CDH17: variants seen among roughly 807,000 people sequenced by gnomAD.
The protein encoded by CDH17 is cadherin 17.
In CDH17, 67 loss-of-function variants were observed where a neutral mutation model predicts 86.3. The observed-to-expected ratio is 0.78, with a 90% CI of 0.64 to 0.95. The LOEUF is 0.95. Ranked by LOEUF, CDH17 falls within the 40% of genes least tolerant of loss-of-function variation. The pLI is 0.00. For synonymous variants in CDH17, 367 were observed against 366.4 expected (o/e 1.00, Z -0.02); for missense variants, 993 against 1,017.6 (o/e 0.98, Z 0.33).
chr8:94,129,254 A>G (rs1812363316), intron 17 of CDH17, among the ~76,000 whole-genome samples: 1 of 152,210 alleles, frequency 6.6e-6, no homozygotes, highest in African/African-American at 2.4e-5. Flanking sequence ...TAGAATAAGA[A>G]AAGGCACAGA....
intron 1 of CDH17, among the ~76,000 whole-genome samples, chr8:94,200,111 C>G (rs1485509279): frequency 6.6e-6 from 1 of 152,182 alleles, no homozygotes; most frequent in Non-Finnish European, 1.5e-5. Context: ...CCGAATGATT[C>G]AAGGCAAACT....
intron 3 of CDH17, among the ~76,000 whole-genome samples, chr8:94,186,627 T>C (rs1223552649): frequency 6.6e-6 from 1 of 152,208 alleles, no homozygotes; most frequent in Non-Finnish European, 1.5e-5. Flanking sequence ...CATATGAACT[T>C]TGTGGGGACA....
At chr8:94,193,243 C>T (rs1347669443) in intron 2 of CDH17, among the ~76,000 whole-genome samples, 2 of 152,154 alleles carry the variant, frequency 1.3e-5, no homozygotes, top group Non-Finnish European at 2.9e-5. Context: ...GCAAATAAGG[C>T]CTAATAATTA....
At chr8:94,142,481 C>G (rs973561873) in intron 15 of CDH17, among the ~76,000 whole-genome samples, 1 of 152,214 alleles carries the variant, frequency 6.6e-6, no homozygotes, top group Non-Finnish European at 1.5e-5. Context: ...GCTGGGATGG[C>G]TGTGGCAATT....
chr8:94,183,871 A>G (rs1813528329), intron 3 of CDH17, among the ~76,000 whole-genome samples: 1 of 152,100 alleles, frequency 6.6e-6, no homozygotes, highest in South Asian at 2.1e-4. Flanking sequence ...CAATAAAAAG[A>G]CAAATAACCT....
chr8:94,201,088 G>T (rs556949917), intron 1 of CDH17, among the ~76,000 whole-genome samples: 3 of 152,192 alleles, frequency 2.0e-5, no homozygotes, highest in African/African-American at 7.2e-5. Flanking sequence ...TTTCCAAAAT[G>T]TTGAAAAGGT....
chr8:94,199,957 T>C (rs1473583491), intron 1 of CDH17, among the ~76,000 whole-genome samples: 1 of 152,268 alleles, frequency 6.6e-6, no homozygotes, highest in Non-Finnish European at 1.5e-5. Flanking sequence ...CACGTTTGCT[T>C]AGTCAAAACT....
At chr8:94,179,057 A>AAC (rs1554588744) in intron 3 of CDH17, among the ~76,000 whole-genome samples, 2 of 151,560 alleles carry the variant, frequency 1.3e-5, no homozygotes, top group Admixed American at 1.3e-4. Context: ...AAAAAAAAAA[A>AAC]AAAAAACTAA....
intron 3 of CDH17, among the ~76,000 whole-genome samples, chr8:94,188,308 A>G (rs1813620802): frequency 6.6e-6 from 1 of 151,882 alleles, no homozygotes; most frequent in African/African-American, 2.4e-5. Flanking sequence ...TTTCCCAAAT[A>G]TATTTGATTC....
At chr8:94,202,284 C>T (rs1257194868) in intron 1 of CDH17, 2 of 152,458 alleles carry the variant, frequency 1.3e-5, no homozygotes, top group Non-Finnish European at 2.9e-5. Flanking sequence ...ATTCTCATGC[C>T]TCAGCCTCTC....
At chr8:94,150,814 T>C (rs1212010474) in intron 13 of CDH17, among the ~76,000 whole-genome samples, 2 of 152,238 alleles carry the variant, frequency 1.3e-5, no homozygotes, top group Non-Finnish European at 2.9e-5. Flanking sequence ...AAATAAATGG[T>C]ATAAAGATTA....
At position 94,165,863 on chromosome 8, in the gene CDH17, A is replaced by G. The variant is rs771584717; in HGVS notation, c.1180T>C (p.Phe394Leu). 7.4e-6 allele frequency: 12 copies of G among 1,613,562 alleles called. No homozygotes were observed. Among genetic ancestry groups the G allele is most frequent in the Non-Finnish European group, 9.3e-6 (11 of 1,179,634 alleles). The change falls in exon 10 of 18, where the codon TTC (phenylalanine) becomes CTC (leucine). Residue 394 changes from phenylalanine (F) to leucine (L), a missense_variant. Coordinates refer to ENST00000027335, the MANE Select transcript of CDH17 (RefSeq NM_004063.4). ...QTPKLPMDGL[F>L]LIQTYAGMLQ... ...ATTCCAGCATAGGTTTGGATTAGGAAGAGTCCATCCATGGGAAGTTTGGGA... is the reference window on the plus strand; with the variant it reads ...ATTCCAGCATAGGTTTGGATTAGGAGGAGTCCATCCATGGGAAGTTTGGGA...
chr8:94,157,708 G>C (rs1812972788), intron 12 of CDH17, among the ~76,000 whole-genome samples: 1 of 152,108 alleles, frequency 6.6e-6, no homozygotes, highest in Non-Finnish European at 1.5e-5. Flanking sequence ...CTTGAGCCCA[G>C]GAGTTCAAGA....
At chr8:94,181,688 A>G (rs1258005813) in intron 3 of CDH17, among the ~76,000 whole-genome samples, 1 of 151,928 alleles carries the variant, frequency 6.6e-6, no homozygotes, top group Non-Finnish European at 1.5e-5. Context: ...ACAAAGATGA[A>G]ATATCCCAAA....
At chr8:94,128,948 A>T (rs1286736832) in intron 17 of CDH17, among the ~76,000 whole-genome samples, 1 of 152,160 alleles carries the variant, frequency 6.6e-6, no homozygotes, top group Non-Finnish European at 1.5e-5. Context: ...CTCAGCACTG[A>T]TTGTGTACTG....
chr8:94,174,172 A>C lies in CDH17; in HGVS notation c.513T>G (p.Leu171=). Residue 171 remains leucine (L), a synonymous_variant, in exon 6 of 18, where the codon CTT becomes CTG. Transcript: ENST00000027335. ...AGTACATGACATTGTTGATCATGGG[A>C]AGCTGGATGACAATCTGGTAATAAA... ...GQLYYQIVIQ[L]PMINNVMYFQ... is the part of the protein sequence containing the mutation. 1 of 1,613,738 alleles carries C rather than the reference A, an allele frequency of 6.2e-7. No individual in the cohort carries two copies. Among genetic ancestry groups the C allele is most frequent in the Non-Finnish European group, 8.5e-7 (1 of 1,179,752 alleles).
At chr8:94,205,107 G>A (rs1813999537) in intron 1 of CDH17, among the ~76,000 whole-genome samples, 1 of 152,148 alleles carries the variant, frequency 6.6e-6, no homozygotes, top group African/African-American at 2.4e-5. Context: ...AAGAATTTCA[G>A]CATTGACTTC....
rs559279434 is a variant in CDH17, at chr8:94,179,876, T to C, written c.151-2155A>G. On this transcript the variant is annotated intron_variant, in intron 3 of 17. Transcript: ENST00000027335. ...AAAGAAAGATATATGATTTCTAGAG[T>C]TGCCACATCACATTATTTAAAATGT... is the stretch of plus-strand genomic sequence containing the variant. 5.9e-5 allele frequency among the ~76,000 whole-genome samples: 9 copies of C among 152,200 alleles called. No homozygotes were observed. The South Asian group carries it at 1.7e-3, about 28-fold the overall frequency.
chr8:94,164,079 A>G (rs1813109691), intron 10 of CDH17, among the ~76,000 whole-genome samples: 1 of 152,240 alleles, frequency 6.6e-6, no homozygotes. Context: ...TACTCATGCA[A>G]ATAAACAATT....
Sources: allele counts gnomAD v4.1 joint callset (sites outside exome capture counted in the v4.1 genomes callset), GRCh38; gene constraint gnomAD v4.1.1; transcripts MANE v1.5; gene names NCBI Gene and HGNC (gene_info 2026-07-23, HGNC 2026-07-21).